The following PRKCA variants were observed in gnomAD, a reference collection of about 807,000 sequenced individuals.
PRKCA encodes the protein protein kinase C alpha, also known as protein kinase C alpha type.
PRKCA carries 27 observed loss-of-function variants against 87.0 expected under a neutral mutation model. That is an observed-to-expected ratio of 0.31 (90% CI 0.23 to 0.43). The LOEUF (loss-of-function observed/expected upper bound fraction) is 0.43, where lower values mean the gene tolerates loss of function less well. Ranked by LOEUF, PRKCA falls within the 20% of genes least tolerant of loss-of-function variation. PRKCA has a pLI of 1.00. For synonymous variants in PRKCA, 329 were observed against 311.1 expected (o/e 1.06, Z -0.61); for missense variants, 518 against 852.3 (o/e 0.61, Z 4.88).
intron 2 of PRKCA, among the ~76,000 whole-genome samples, chr17:66,458,486 CTT>C (rs11286662): frequency 1.0e-4 from 15 of 148,454 alleles, no homozygotes; most frequent in South Asian, 2.2e-4. Context: ...CTTTATTTTC[CTT>C]TTTTTTTTTG....
rs563905074 is a variant in PRKCA at position 66,359,363 on chromosome 17, TA to T, written c.205+53244del. ...ATTTTGCAATCTGCTGCCGGTTTCT[TA>T]AAAAAAATTATCAGTTTCTTAGTTT... is the stretch of plus-strand genomic sequence containing the variant. On this transcript the variant is annotated intron_variant, in intron 2 of 16. Coordinates refer to ENST00000413366, the MANE Select transcript of PRKCA (RefSeq NM_002737.3). Among the ~76,000 whole-genome samples, 320 of 152,144 alleles carry T rather than the reference TA, an allele frequency of 2.1e-3. 1 individual carries two copies. The highest frequency in any genetic ancestry group is 5.2e-3 in the African/African-American group (217 of 41,510).
At chr17:66,353,289 T>C (rs906783793) in intron 2 of PRKCA, among the ~76,000 whole-genome samples, 1 of 152,246 alleles carries the variant, frequency 6.6e-6, no homozygotes, top group Non-Finnish European at 1.5e-5. Flanking sequence ...TCTTTAATTT[T>C]TCTGATTGCT....
intron 3 of PRKCA, among the ~76,000 whole-genome samples, chr17:66,502,349 C>T (rs954339838): frequency 6.6e-6 from 1 of 151,476 alleles, no homozygotes; most frequent in South Asian, 2.1e-4. Flanking sequence ...ATTCTCTTGT[C>T]TCAGTCTCCT....
rs1975997833 is a variant in PRKCA at position 66,805,023 on chromosome 17, C to T, written c.*986C>T. ...ATTTATTTAATAGGCTGCAGTGTCGCTTATGAAAGTACGATGTACAGTAAC... is the reference window on the plus strand; with the variant it reads ...ATTTATTTAATAGGCTGCAGTGTCGTTTATGAAAGTACGATGTACAGTAAC... On this transcript the variant is annotated 3_prime_UTR_variant, in exon 17 of 17. Transcript: ENST00000413366. 1 of 984,680 alleles carries T rather than the reference C, an allele frequency of 1.0e-6. No homozygotes were observed. The highest frequency in any genetic ancestry group is 1.1e-4 in the East Asian group (1 of 8,822). 61.0% of individuals were successfully genotyped at this position (984,680 alleles called of 1,614,324 possible).
At chr17:66,737,232 G>A (rs1024913262) in intron 10 of PRKCA, among the ~76,000 whole-genome samples, 2 of 151,882 alleles carry the variant, frequency 1.3e-5, no homozygotes, top group East Asian at 1.9e-4. Context: ...GCGTGGTGGC[G>A]GGCGCCTGTA....
In PRKCA at chr17:66,633,314, A is replaced by AG. The variant is rs375676878; in HGVS notation, c.289-8041_289-8040insG. On this transcript the variant is annotated intron_variant, in intron 3 of 16. Transcript: ENST00000413366. ...CTTTTTTTATATCATAGGGTTAAAA[A>AG]AAAAACTGCTTCCTACTTCCCTAAA... Among the ~76,000 whole-genome samples the AG allele has an allele frequency of 5.2e-3, 789 of 152,320 alleles. 12 individuals carry two copies. The highest frequency in any genetic ancestry group is 0.016 in the African/African-American group (679 of 41,570).
chr17:66,325,758 C>G (rs866614798), intron 2 of PRKCA, among the ~76,000 whole-genome samples: 13 of 152,184 alleles, frequency 8.5e-5, no homozygotes, highest in African/African-American at 3.1e-4. Context: ...TTTGAGCTAC[C>G]TAGAGAGCCC....
intron 3 of PRKCA, among the ~76,000 whole-genome samples, chr17:66,608,143 C>CGATTGGAGCACACTGACTGAAGCACACT (rs1970261486): frequency 6.6e-6 from 1 of 151,354 alleles, no homozygotes; most frequent in Admixed American, 6.6e-5. Flanking sequence ...TGGAGCACAC[C>CGATTGGAGCACACTGACTGAAGCACACT]GATTGGAGCA....
At chr17:66,322,239 G>C (rs9912468) in intron 2 of PRKCA, among the ~76,000 whole-genome samples, 89,485 of 151,936 alleles carry the variant, frequency 0.59, 26,433 homozygotes, top group South Asian at 0.64. Flanking sequence ...ATCTGGAAAA[G>C]CATCTTCCTG....
chr17:66,626,138 C>T (rs1208571049), intron 3 of PRKCA, among the ~76,000 whole-genome samples: 2 of 152,046 alleles, frequency 1.3e-5, no homozygotes, highest in Non-Finnish European at 2.9e-5. Context: ...GTTGCAAGAG[C>T]CCAAAGGCTA....
intron 16 of PRKCA, among the ~76,000 whole-genome samples, chr17:66,795,658 C>T (rs1352064389): frequency 1.3e-5 from 2 of 152,278 alleles, no homozygotes; most frequent in South Asian, 2.1e-4. Flanking sequence ...TGATGAGTGA[C>T]GGCATAAATA....
At chr17:66,356,008 C>G (rs1908024551) in intron 2 of PRKCA, among the ~76,000 whole-genome samples, 1 of 152,064 alleles carries the variant, frequency 6.6e-6, no homozygotes. Flanking sequence ...AAGTGATTCT[C>G]CTGCCTCAGC....
intron 2 of PRKCA, among the ~76,000 whole-genome samples, chr17:66,482,072 G>T (rs921267444): frequency 1.6e-5 from 2 of 128,184 alleles, no homozygotes; most frequent in Non-Finnish European, 1.5e-5. Flanking sequence ...TTGTACTCCA[G>T]CCTGGGCGAC....
At chr17:66,343,722 A>G (rs1171447509) in intron 2 of PRKCA, among the ~76,000 whole-genome samples, 2 of 152,174 alleles carry the variant, frequency 1.3e-5, no homozygotes, top group African/African-American at 4.8e-5. Flanking sequence ...GGGGGGTTGA[A>G]GGACAGGGAG....
chr17:66,790,860 CGCAG>C (rs1221848231), intron 16 of PRKCA, among the ~76,000 whole-genome samples: 1 of 151,788 alleles, frequency 6.6e-6, no homozygotes. Context: ...GACTTGGCTC[CGCAG>C]GCAAGAATGT....
intron 13 of PRKCA, among the ~76,000 whole-genome samples, chr17:66,769,297 A>T (rs1309444821): frequency 6.6e-6 from 1 of 151,676 alleles, no homozygotes; most frequent in Non-Finnish European, 1.5e-5. Context: ...TTGAGGCTGC[A>T]TTGAGCTATG....
intron 2 of PRKCA, among the ~76,000 whole-genome samples, chr17:66,420,463 G>T (rs1291482105): frequency 2.0e-5 from 3 of 152,148 alleles, no homozygotes; most frequent in Non-Finnish European, 4.4e-5. Context: ...AGTAGAAATT[G>T]TACTTCAAGT....
In PRKCA at chr17:66,655,430, G is replaced by T. The variant is rs529581793; in HGVS notation, c.529+9919G>T. Among the ~76,000 whole-genome samples, 75 of 152,156 alleles carry T rather than the reference G, an allele frequency of 4.9e-4. 1 individual carries two copies. The South Asian group carries it at 6.4e-3, about 13-fold the overall frequency. ...CAGTGTTTCTTCCCTCCTCACTTTT[G>T]CTTGTGCCATTTTCCCTGCTCCCCA... On this transcript the variant is annotated intron_variant, in intron 5 of 16. Coordinates refer to ENST00000413366, the MANE Select transcript of PRKCA (RefSeq NM_002737.3).
intron 2 of PRKCA, among the ~76,000 whole-genome samples, chr17:66,419,155 C>G (rs1232379310): frequency 1.3e-5 from 2 of 152,078 alleles, no homozygotes; most frequent in Non-Finnish European, 1.5e-5. Context: ...TTAGGATAAT[C>G]AAATAAGAAT....
Sources: gnomAD v4.1 joint callset for allele counts (sites outside exome capture counted in the v4.1 genomes callset) on GRCh38, gnomAD v4.1.1 for gene constraint, MANE v1.5 for transcripts, NCBI Gene and HGNC (gene_info 2026-07-23, HGNC 2026-07-21) for gene names.